ZFHX3: variants seen among roughly 807,000 people sequenced by gnomAD.
ZFHX3 encodes the protein zinc finger homeobox protein 3.
A neutral mutation model predicts 279.1 loss-of-function variants in ZFHX3; 42 were observed. The observed-to-expected ratio is 0.15, with a 90% CI of 0.12 to 0.19. ZFHX3 has a LOEUF of 0.19. ZFHX3 is among the 10% of genes least tolerant of loss of function. ZFHX3 has a pLI of 1.00. For synonymous variants in ZFHX3, 2,293 were observed against 1,957.8 expected, an observed-to-expected ratio of 1.17 and a Z score of -4.52; for missense variants, 4,981 against 4,754.0, an observed-to-expected ratio of 1.05 and a Z score of -1.40.
chr16:73,056,615 C>T, intron 1 of ZFHX3, among the ~76,000 whole-genome samples: 1 of 152,146 alleles, frequency 6.6e-6, no homozygotes, highest in East Asian at 1.9e-4. Flanking sequence ...AGTGGACTTC[C>T]CTATATTGTT....
At chr16:73,844,600 T>A (rs1961396415) in intron 1 of ZFHX3, among the ~76,000 whole-genome samples, 1 of 151,648 alleles carries the variant, frequency 6.6e-6, no homozygotes, top group South Asian at 2.1e-4. Context: ...AATAACATGC[T>A]CGAGGGAGGG....
At chr16:73,453,589 G>A (rs2018317565) in intron 3 of ZFHX3, among the ~76,000 whole-genome samples, 1 of 152,196 alleles carries the variant, frequency 6.6e-6, no homozygotes, top group Non-Finnish European at 1.5e-5. Context: ...GCAAATGAAG[G>A]AACCGTCTCA....
At chr16:73,576,814 G>A (rs117680958) in intron 2 of ZFHX3, among the ~76,000 whole-genome samples, 6,579 of 152,068 alleles carry the variant, frequency 0.043, 196 homozygotes, top group South Asian at 0.1. Flanking sequence ...AGATTATTTC[G>A]TCACCCAGGT....
intron 3 of ZFHX3, among the ~76,000 whole-genome samples, chr16:73,368,646 T>C (rs1040801661): frequency 6.6e-6 from 1 of 152,232 alleles, no homozygotes; most frequent in African/African-American, 2.4e-5. Flanking sequence ...GACTATATTA[T>C]CCAGTGCTGT....
chr16:73,797,337 G>A (rs2142321689), intron 1 of ZFHX3, among the ~76,000 whole-genome samples: 1 of 152,286 alleles, frequency 6.6e-6, no homozygotes, highest in South Asian at 2.1e-4. Flanking sequence ...AAAGAATCAG[G>A]TTACACATTT....
At chr16:73,490,636 G>C (rs1278977499) in intron 2 of ZFHX3, among the ~76,000 whole-genome samples, 1 of 152,102 alleles carries the variant, frequency 6.6e-6, no homozygotes, top group South Asian at 2.1e-4. Flanking sequence ...CCAGGAGCTT[G>C]AGACTAGCCT....
chr16:73,605,163 C>T (rs2052164963), intron 2 of ZFHX3, among the ~76,000 whole-genome samples: 1 of 152,098 alleles, frequency 6.6e-6, no homozygotes, highest in Admixed American at 6.6e-5. Context: ...CGGACGTGGT[C>T]ATTCGAACAC....
In ZFHX3 at chr16:72,958,696, C is replaced by G; in HGVS notation, c.1450G>C (p.Glu484Gln). The G allele has an allele frequency of 6.2e-7, 1 of 1,611,562 alleles. No homozygotes were observed. Among genetic ancestry groups the G allele is most frequent in the Non-Finnish European group, 8.5e-7 (1 of 1,178,630 alleles). ...TTGCAACCCTCGTCTTCCTCCTCCT[C>G]TTCTTCCTCCTCCTCTTCTTCCTCC... is the stretch of plus-strand genomic sequence containing the variant. ...EEEEEEEEEE[E>Q]EEEDEGCKGL... Residue 484 changes from glutamate to glutamine, a missense_variant, in exon 2 of 10, where the codon GAG becomes CAG. This residue lies in a region of ZFHX3 where 1,068 missense variants were observed against 935.2 expected (regional missense o/e 1.14). Coordinates refer to ENST00000268489, the MANE Select transcript of ZFHX3 (RefSeq NM_006885.4).
At chr16:73,011,026 G>C (rs752444106) in intron 1 of ZFHX3, among the ~76,000 whole-genome samples, 1 of 152,056 alleles carries the variant, frequency 6.6e-6, no homozygotes, top group Non-Finnish European at 1.5e-5. Context: ...ATCCAGGCTG[G>C]ACTGGAGTAC....
intron 1 of ZFHX3, among the ~76,000 whole-genome samples, chr16:73,011,612 T>C (rs942611032): frequency 1.3e-5 from 2 of 151,926 alleles, no homozygotes; most frequent in Non-Finnish European, 2.9e-5. Context: ...TTGGTGGCGC[T>C]ACTCAGGAGG....
rs376503298 is a variant in ZFHX3 at position 73,804,607 on chromosome 16, T to A, written c.-1608+87044A>T. Among the ~76,000 whole-genome samples, 11 of 152,274 alleles carry A rather than the reference T, an allele frequency of 7.2e-5. No homozygotes were observed. The South Asian group carries it at 2.3e-3, about 32-fold the overall frequency. On this transcript the variant is annotated intron_variant, in intron 1 of 17. Coordinates refer to the ZFHX3 transcript ENST00000641206. ...ATCTGGAAACTCATTTGATATAATT[T>A]ACAACCCTCAGAGGCCCATTAGAAG... is the stretch of plus-strand genomic sequence containing the variant.
chr16:73,307,270 A>G (rs932774507), intron 4 of ZFHX3, among the ~76,000 whole-genome samples: 3 of 152,216 alleles, frequency 2.0e-5, no homozygotes, highest in African/African-American at 7.2e-5. Flanking sequence ...TTTGAAAAAC[A>G]GAAGTTCTCT....
intron 3 of ZFHX3, among the ~76,000 whole-genome samples, chr16:73,447,934 G>T (rs2018215236): frequency 6.6e-6 from 1 of 152,210 alleles, no homozygotes; most frequent in Non-Finnish European, 1.5e-5. Context: ...GCATTGAGGA[G>T]TTGATGTGAG....
At chr16:73,544,026 T>C (rs1447622134) in intron 2 of ZFHX3, 4 of 152,182 alleles carry the variant, frequency 2.6e-5, no homozygotes, top group African/African-American at 9.7e-5. Context: ...AAAGGACTGT[T>C]TTCAAGGTTG....
At chr16:73,042,300 C>T (rs1965148605) in intron 1 of ZFHX3, among the ~76,000 whole-genome samples, 1 of 152,108 alleles carries the variant, frequency 6.6e-6, no homozygotes, top group African/African-American at 2.4e-5. Context: ...AATGAGAAGA[C>T]AGAGGCAGTC....
At chr16:73,218,837 A>C (rs113974810) in intron 5 of ZFHX3, among the ~76,000 whole-genome samples, 1 of 152,200 alleles carries the variant, frequency 6.6e-6, no homozygotes, top group Admixed American at 6.5e-5. Flanking sequence ...TTCTAAGCAT[A>C]TAACTCAGTG....
intron 1 of ZFHX3, among the ~76,000 whole-genome samples, chr16:73,866,206 G>A (rs1962017619): frequency 8.9e-6 from 1 of 112,826 alleles, no homozygotes. Flanking sequence ...TTGAGACAGA[G>A]TATCACCCTG....
intron 1 of ZFHX3, among the ~76,000 whole-genome samples, chr16:73,781,626 G>A (rs1959475071): frequency 6.6e-6 from 1 of 152,166 alleles, no homozygotes; most frequent in Non-Finnish European, 1.5e-5. Context: ...CTGACTTTCA[G>A]TATAGATTAT....
At chr16:73,483,884 G>A (rs989595004) in intron 2 of ZFHX3, among the ~76,000 whole-genome samples, 4 of 151,644 alleles carry the variant, frequency 2.6e-5, no homozygotes, top group Admixed American at 2.6e-4. Flanking sequence ...AAAAGCGCAG[G>A]CGGCTGTCTT....
Sources: allele counts gnomAD v4.1 joint callset (sites outside exome capture counted in the v4.1 genomes callset), GRCh38; gene constraint gnomAD v4.1.1; regional missense constraint gnomAD v4.1.1; transcripts MANE v1.5; gene names NCBI Gene and HGNC (gene_info 2026-07-23, HGNC 2026-07-21).